GPC6: variants seen among roughly 807,000 people sequenced by gnomAD.
GPC6 encodes the protein glypican 6.
Under a neutral mutation model 55.2 loss-of-function variants are expected in GPC6, and 14 were observed. The ratio of observed to expected loss-of-function variants is 0.25; its 90% CI spans 0.17 to 0.40. The LOEUF (loss-of-function observed/expected upper bound fraction) is 0.40, where lower values mean the gene tolerates loss of function less well. Ranked by LOEUF, GPC6 falls within the 10% of genes least tolerant of loss-of-function variation. The pLI is 1.00. For missense variants in GPC6, 641 were observed against 708.5 expected (o/e 0.90, Z 1.08); for synonymous variants, 278 against 259.6 (o/e 1.07, Z -0.68).
chr13:93,364,184 G>C (rs890271434), intron 1 of GPC6, among the ~76,000 whole-genome samples: 7 of 151,880 alleles, frequency 4.6e-5, no homozygotes, highest in Non-Finnish European at 8.8e-5. Context: ...CATTGCTTTT[G>C]GTGTTTTAGA....
intron 4 of GPC6, among the ~76,000 whole-genome samples, chr13:94,045,648 A>G (rs191077517): frequency 2.0e-5 from 3 of 151,910 alleles, no homozygotes; most frequent in Non-Finnish European, 4.4e-5. Context: ...TAAGGAAAGG[A>G]CACAGACTTT....
At chr13:93,989,685 A>T (rs1429413539) in intron 3 of GPC6, among the ~76,000 whole-genome samples, 1 of 152,138 alleles carries the variant, frequency 6.6e-6, no homozygotes, top group East Asian at 1.9e-4. Context: ...ATTATTTCAG[A>T]CAGAGCAACC....
intron 4 of GPC6, among the ~76,000 whole-genome samples, chr13:94,266,461 T>C (rs538514096): frequency 4.2e-4 from 64 of 152,192 alleles, no homozygotes; most frequent in East Asian, 3.5e-3. Context: ...AGCCACCGCG[T>C]CCAGCCATCT....
Position 94,339,751 on chromosome 13 carries a change from C to CTTTTTTTTTTT in GPC6, c.1152+33647_1152+33657dup, listed in dbSNP as rs56074677. On this transcript the variant is annotated intron_variant, in intron 6 of 8. Coordinates refer to ENST00000377047, the MANE Select transcript of GPC6 (RefSeq NM_005708.5). Reference sequence around the variant, plus strand: ...TTAAGTCTGCAACCTGCATACTTTCCTTTTTTTTTTTTTTTTTTTTTTTTT... The same window carrying CTTTTTTTTTTT: ...TTAAGTCTGCAACCTGCATACTTTCCTTTTTTTTTTTTTTTTTTTTTTTTTTTTTTTTTTTT... 1.0e-3 allele frequency among the ~76,000 whole-genome samples: 65 copies of CTTTTTTTTTTT among 63,814 alleles called. 10 individuals carry two copies. The highest frequency in any genetic ancestry group is 3.3e-3 in the African/African-American group (49 of 14,648). 41.9% of individuals were successfully genotyped at this position (63,814 alleles called of 152,430 possible). A position where few individuals can be genotyped will look rare whatever the true frequency, so the allele number is the denominator to read the frequency against.
intron 2 of GPC6, among the ~76,000 whole-genome samples, chr13:93,725,401 C>T (rs1883598602): frequency 6.6e-6 from 1 of 151,988 alleles, no homozygotes; most frequent in African/African-American, 2.4e-5. Context: ...TGATGAAACT[C>T]CCTTTCTCCT....
chr13:94,288,445 C>T (rs1210116242), intron 5 of GPC6, among the ~76,000 whole-genome samples: 2 of 151,890 alleles, frequency 1.3e-5, no homozygotes, highest in Non-Finnish European at 2.9e-5. Context: ...CCCAGTCTCC[C>T]ACTTTGCCTT....
intron 6 of GPC6, among the ~76,000 whole-genome samples, chr13:94,368,746 A>G (rs1879398420): frequency 6.6e-6 from 1 of 152,224 alleles, no homozygotes. Flanking sequence ...AGCTGTGAAC[A>G]GGTACATTCA....
chr13:93,738,336 C>G (rs1884072463), intron 2 of GPC6, among the ~76,000 whole-genome samples: 1 of 152,082 alleles, frequency 6.6e-6, no homozygotes. Context: ...ATAGTGGTAT[C>G]TGGTCGGGCT....
intron 4 of GPC6, among the ~76,000 whole-genome samples, chr13:94,137,573 G>A (rs971679613): frequency 1.3e-5 from 2 of 152,128 alleles, no homozygotes; most frequent in Non-Finnish European, 2.9e-5. Flanking sequence ...TTTTGTTGTT[G>A]TTGTTGTTAA....
chr13:94,248,792 G>A (rs1370380434), intron 4 of GPC6, among the ~76,000 whole-genome samples: 2 of 152,090 alleles, frequency 1.3e-5, no homozygotes, highest in Admixed American at 6.6e-5. Context: ...TCAGGACATA[G>A]GGATATTGAA....
At chr13:93,460,507 TGAC>T (rs1349440589) in intron 1 of GPC6, among the ~76,000 whole-genome samples, 1 of 152,220 alleles carries the variant, frequency 6.6e-6, no homozygotes, top group Admixed American at 6.5e-5. Context: ...TTAATGATGA[TGAC>T]GATTATTTAA....
intron 1 of GPC6, among the ~76,000 whole-genome samples, chr13:93,345,641 C>A (rs1880401727): frequency 6.6e-6 from 1 of 152,128 alleles, no homozygotes; most frequent in East Asian, 1.9e-4. Flanking sequence ...TTCATACACC[C>A]ACACAAAAAT....
chr13:93,466,843 C>G (rs1878922692), intron 1 of GPC6, among the ~76,000 whole-genome samples: 1 of 152,168 alleles, frequency 6.6e-6, no homozygotes, highest in South Asian at 2.1e-4. Flanking sequence ...GCTGTCTCAT[C>G]AGTTACAATC....
At chr13:94,323,335 C>G (rs928473685) in intron 6 of GPC6, among the ~76,000 whole-genome samples, 2 of 152,168 alleles carry the variant, frequency 1.3e-5, no homozygotes, top group African/African-American at 4.8e-5. Flanking sequence ...TCTGTAAAAT[C>G]TTATTTGTAA....
chr13:93,741,247 T>C (rs1884190721), intron 2 of GPC6, among the ~76,000 whole-genome samples: 2 of 150,202 alleles, frequency 1.3e-5, no homozygotes, highest in Admixed American at 1.3e-4. Context: ...CCCGAGTAGC[T>C]GGGACTACAG....
At chr13:93,306,691 A>C (rs184314428) in intron 1 of GPC6, among the ~76,000 whole-genome samples, 1 of 152,184 alleles carries the variant, frequency 6.6e-6, no homozygotes, top group East Asian at 1.9e-4. Context: ...TAATTCATTT[A>C]GGATTTAAAG....
At chr13:93,829,210 T>C (rs1443086783) in intron 2 of GPC6, among the ~76,000 whole-genome samples, 2 of 152,156 alleles carry the variant, frequency 1.3e-5, no homozygotes, top group Non-Finnish European at 2.9e-5. Flanking sequence ...ATTTATAATC[T>C]CTAAATGAGA....
intron 4 of GPC6, among the ~76,000 whole-genome samples, chr13:94,094,344 G>A (rs1253959232): frequency 6.6e-6 from 1 of 152,114 alleles, no homozygotes; most frequent in Non-Finnish European, 1.5e-5. Context: ...TCATATCTGG[G>A]TATCAGTGAA....
At chr13:94,122,984 G>T (rs1186075108) in intron 4 of GPC6, among the ~76,000 whole-genome samples, 1 of 152,038 alleles carries the variant, frequency 6.6e-6, no homozygotes, top group South Asian at 2.1e-4. Context: ...AAGAATCCCT[G>T]TTGCCTTTGA....
Sources: allele counts gnomAD v4.1 joint callset (sites outside exome capture counted in the v4.1 genomes callset), GRCh38; gene constraint gnomAD v4.1.1; transcripts MANE v1.5; gene names NCBI Gene and HGNC (gene_info 2026-07-23, HGNC 2026-07-21).